FAM118B: variants seen among roughly 807,000 people sequenced by gnomAD.
FAM118B encodes the protein protein FAM118B.
In FAM118B, 24 loss-of-function variants were observed where a neutral mutation model predicts 38.5. The observed-to-expected ratio is 0.62, with a 90% CI of 0.45 to 0.88. FAM118B has a LOEUF of 0.88. FAM118B is among the 40% of genes least tolerant of loss of function. The pLI, the probability that FAM118B is intolerant of heterozygous loss-of-function variation, is 0.00. For missense variants in FAM118B, 334 were observed against 420.0 expected (o/e 0.80, Z 1.79); for synonymous variants, 138 against 156.3 (o/e 0.88, Z 0.87).
chr11:126,254,856 C>T (rs763258541), intron 6 of FAM118B, among the ~76,000 whole-genome samples: 23 of 152,130 alleles, frequency 1.5e-4, no homozygotes, highest in African/African-American at 1.9e-4. Flanking sequence ...GAAAGTCAGA[C>T]GTTCTTCCTG....
chr11:126,231,174 A>G (rs1156524585), intron 2 of FAM118B, among the ~76,000 whole-genome samples: 1 of 152,092 alleles, frequency 6.6e-6, no homozygotes, highest in African/African-American at 2.4e-5. Context: ...GCTGTACTCT[A>G]TTGGCCTTGA....
chr11:126,242,863 T>A (rs1370428866), intron 4 of FAM118B, among the ~76,000 whole-genome samples: 1 of 152,170 alleles, frequency 6.6e-6, no homozygotes, highest in Admixed American at 6.5e-5. Flanking sequence ...ACTGCACTCA[T>A]AAGTATATAC....
chr11:126,248,478 C>T (rs369353375), intron 4 of FAM118B, among the ~76,000 whole-genome samples: 6 of 138,812 alleles, frequency 4.3e-5, no homozygotes, highest in African/African-American at 1.6e-4. Flanking sequence ...TCAAGCGATT[C>T]TCCTGCCTCA....
chr11:126,238,293 C>A (rs2135166230), intron 3 of FAM118B, among the ~76,000 whole-genome samples: 1 of 152,030 alleles, frequency 6.6e-6, no homozygotes, highest in Admixed American at 6.6e-5. Flanking sequence ...ACCCAGGAGG[C>A]AGAGGTTGCA....
chr11:126,243,916 A>AG (rs1256127577), intron 4 of FAM118B, among the ~76,000 whole-genome samples: 1 of 152,062 alleles, frequency 6.6e-6, no homozygotes, highest in Non-Finnish European at 1.5e-5. Flanking sequence ...AAAAAAAAAA[A>AG]AAAGTCTGCA....
intron 1 of FAM118B, among the ~76,000 whole-genome samples, chr11:126,227,745 TACAG>T (rs952971717): frequency 1.4e-4 from 22 of 152,322 alleles, no homozygotes; most frequent in African/African-American, 4.8e-4. Context: ...ACTTAATCAC[TACAG>T]ACAGTTACAC....
chr11:126,213,843 TAAG>T (rs1354616008), intron 1 of FAM118B, among the ~76,000 whole-genome samples: 2 of 152,226 alleles, frequency 1.3e-5, no homozygotes, highest in African/African-American at 2.4e-5. Flanking sequence ...CTTAGTGACT[TAAG>T]AATAAAAATA....
At chr11:126,218,000 A>G (rs928112066) in intron 1 of FAM118B, among the ~76,000 whole-genome samples, 5 of 152,118 alleles carry the variant, frequency 3.3e-5, no homozygotes, top group African/African-American at 1.2e-4. Context: ...TATGATGTGT[A>G]TTAACACCAG....
At chr11:126,219,617 T>G (rs1407215694) in intron 1 of FAM118B, among the ~76,000 whole-genome samples, 1 of 151,974 alleles carries the variant, frequency 6.6e-6, no homozygotes, top group Non-Finnish European at 1.5e-5. Context: ...AACACTCTCT[T>G]TTTAGCTCTC....
chr11:126,261,206 C>G (rs2135227645), intron 7 of FAM118B: 1 of 558,254 alleles, frequency 1.8e-6, no homozygotes, highest in South Asian at 2.4e-5. Context: ...AATCGTAGTG[C>G]ACTGTGGAAA....
chr11:126,239,611 A>G (rs1272625736), intron 3 of FAM118B, among the ~76,000 whole-genome samples: 2 of 152,044 alleles, frequency 1.3e-5, no homozygotes, highest in East Asian at 1.9e-4. Flanking sequence ...TGGTACATAC[A>G]GGTTTTCCTT....
intron 4 of FAM118B, among the ~76,000 whole-genome samples, chr11:126,242,643 G>A (rs1040986286): frequency 7.2e-5 from 11 of 152,190 alleles, no homozygotes; most frequent in East Asian, 3.8e-4. Context: ...GATGTTCAGC[G>A]TCATTAGTCA....
chr11:126,235,853 G>C (rs1450404884), intron 3 of FAM118B, among the ~76,000 whole-genome samples: 1 of 130,732 alleles, frequency 7.6e-6, no homozygotes, highest in Non-Finnish European at 1.5e-5. Flanking sequence ...ACATTATTAC[G>C]ACTGTATAAG....
rs1950110707 is a variant in FAM118B, at chr11:126,224,465, G to C, written c.-76-4760G>C. On this transcript the variant is annotated intron_variant, in intron 1 of 8. Coordinates refer to ENST00000533050, the MANE Select transcript of FAM118B (RefSeq NM_024556.4). ...TGTTCCAGCCTGGGTGACAGAGCGA[G>C]ACCCTGTCTCAAAAAAAAAAAAAAA... is the stretch of plus-strand genomic sequence containing the variant. 2.6e-5 allele frequency among the ~76,000 whole-genome samples: 3 copies of C among 114,144 alleles called. No homozygotes were observed. In the South Asian group the frequency reaches 9.7e-4, roughly 37 times the overall value. The allele number at this position is 114,144 out of a possible 152,430, so 74.9% of individuals were successfully genotyped here.
chr11:126,240,161 A>G (rs1464294176), intron 3 of FAM118B, among the ~76,000 whole-genome samples: 3 of 152,164 alleles, frequency 2.0e-5, no homozygotes, highest in Non-Finnish European at 4.4e-5. Context: ...TCTGCTTATC[A>G]TGGTAAGAAA....
rs1442695855 is a variant in FAM118B at position 126,244,670 on chromosome 11, G to A, written c.339+3626G>A. On this transcript the variant is annotated intron_variant, in intron 4 of 8. Coordinates refer to ENST00000533050, the MANE Select transcript of FAM118B (RefSeq NM_024556.4). This position sits in a 1 kb window ranked among gnomAD's most constrained non-coding sequence, Gnocchi z 4.5. ...AATACAAAAATTAGCTGAGCATGAT[G>A]GCGGGTGCCTATAATCCCAGCTACT... Among the ~76,000 whole-genome samples the A allele has an allele frequency of 2.0e-5, 3 of 152,166 alleles. No homozygotes were observed. The highest frequency in any genetic ancestry group is 4.4e-5 in the Non-Finnish European group (3 of 68,038).
At chr11:126,254,888 G>A (rs1447107514) in intron 6 of FAM118B, among the ~76,000 whole-genome samples, 2 of 152,214 alleles carry the variant, frequency 1.3e-5, no homozygotes, top group African/African-American at 4.8e-5. Flanking sequence ...TTATGGGTGT[G>A]CATGCTGTCT....
At position 126,253,282 on chromosome 11, in the gene FAM118B, G is replaced by C. The variant is rs1950530468; in HGVS notation, c.568-1023G>C. 6.6e-6 allele frequency among the ~76,000 whole-genome samples: 1 copy of C among 152,038 alleles called. No individual in the cohort carries two copies. The highest frequency in any genetic ancestry group is 2.4e-5 in the African/African-American group (1 of 41,380). ...AGTCTAATGGTTAAAGACATTGACT[G>C]GTAGTCAGAATGGGGCCTAGTAACA... On this transcript the variant is annotated intron_variant, in intron 5 of 8. Transcript: ENST00000533050. The surrounding 1 kb of genome is among the most constrained non-coding windows in gnomAD (Gnocchi z 5.1).
At chr11:126,251,433 C>T (rs1319880519) in intron 5 of FAM118B, among the ~76,000 whole-genome samples, 1 of 152,148 alleles carries the variant, frequency 6.6e-6, no homozygotes, top group Admixed American at 6.6e-5. Context: ...CAGTATTGCC[C>T]CTGCCAGAGT....
Sources: gnomAD v4.1 joint callset for allele counts (sites outside exome capture counted in the v4.1 genomes callset) on GRCh38, gnomAD v4.1.1 for gene constraint, Gnocchi (gnomAD v3.1) non-coding constraint, MANE v1.5 for transcripts, NCBI Gene and HGNC (gene_info 2026-07-23, HGNC 2026-07-21) for gene names.